IMMP2L: variants seen among roughly 807,000 people sequenced by gnomAD.
IMMP2L encodes inner mitochondrial membrane peptidase subunit 2.
In IMMP2L, 18 loss-of-function variants were observed where a neutral mutation model predicts 19.3. That is an observed-to-expected ratio of 0.93 (90% CI 0.64 to 1.38). The LOEUF (loss-of-function observed/expected upper bound fraction) is 1.38, where lower values mean the gene tolerates loss of function less well. IMMP2L is among the 40% of genes most tolerant of loss of function. The pLI is 0.00. For synonymous variants in IMMP2L, 76 were observed against 73.0 expected, an observed-to-expected ratio of 1.04 and a Z score of -0.21; for missense variants, 233 against 218.2, an observed-to-expected ratio of 1.07 and a Z score of -0.43.
intron 4 of IMMP2L, among the ~76,000 whole-genome samples, chr7:110,949,558 T>C (rs769012970): frequency 2.0e-5 from 3 of 152,168 alleles, no homozygotes; most frequent in Non-Finnish European, 4.4e-5. Flanking sequence ...TAGTCCAACA[T>C]CTGTTTTTGT....
intron 3 of IMMP2L, among the ~76,000 whole-genome samples, chr7:111,009,098 T>C (rs1331677658): frequency 6.6e-6 from 1 of 152,214 alleles, no homozygotes; most frequent in East Asian, 1.9e-4. Context: ...ACAATCAGTA[T>C]GTATTTATTG....
At chr7:111,078,245 G>T (rs1795578285) in intron 3 of IMMP2L, among the ~76,000 whole-genome samples, 1 of 152,264 alleles carries the variant, frequency 6.6e-6, no homozygotes, top group South Asian at 2.1e-4. Context: ...AGGAATGAAT[G>T]AAAAAATAAA....
intron 4 of IMMP2L, among the ~76,000 whole-genome samples, chr7:110,891,717 T>C (rs139303091): frequency 1.9e-3 from 288 of 152,046 alleles, no homozygotes; most frequent in Middle Eastern, 6.8e-3. Context: ...AAGAACCAAA[T>C]AGAAATTCTA....
In IMMP2L at chr7:111,172,544, G is replaced by A. The variant is rs1806566607; in HGVS notation, c.240-208979C>T. Among the ~76,000 whole-genome samples, 3 of 151,470 alleles carry A rather than the reference G, an allele frequency of 2.0e-5. No homozygotes were observed. The South Asian group carries it at 6.2e-4, about 31-fold the overall frequency. On this transcript the variant is annotated intron_variant, in intron 3 of 5. Transcript: ENST00000405709. ...GCTATTTTAAAATATATAATACATT[G>A]CTGCTAATTATAGTCACCCTATCGT...
In IMMP2L at chr7:110,924,230, T is replaced by C. The variant is rs1814602691; in HGVS notation, c.306-37535A>G. ...CATAGACAGCACTGTTTCTCCCCAG[T>C]GTGTCTTTAATTTCCTTTATTACAG... On this transcript the variant is annotated intron_variant, in intron 4 of 5. Coordinates refer to ENST00000405709, the MANE Select transcript of IMMP2L (RefSeq NM_032549.4). This position sits in a 1 kb window ranked among gnomAD's most constrained non-coding sequence, Gnocchi z 4.2. Among the ~76,000 whole-genome samples, 3 of 152,168 alleles carry C rather than the reference T, an allele frequency of 2.0e-5. No individual in the cohort carries two copies. Among genetic ancestry groups the C allele is most frequent in the Admixed American group, 2.0e-4 (3 of 15,268 alleles).
chr7:110,748,597 C>A (rs951762628), intron 5 of IMMP2L, among the ~76,000 whole-genome samples: 1 of 152,072 alleles, frequency 6.6e-6, no homozygotes, highest in Non-Finnish European at 1.5e-5. Context: ...TAATGCCACA[C>A]ATACACAATC....
At chr7:111,468,261 A>C (rs1264361570) in intron 3 of IMMP2L, among the ~76,000 whole-genome samples, 1 of 152,114 alleles carries the variant, frequency 6.6e-6, no homozygotes, top group Non-Finnish European at 1.5e-5. Context: ...TACATCCCTC[A>C]TTGTTACCTG....
intron 3 of IMMP2L, among the ~76,000 whole-genome samples, chr7:111,139,117 C>CA (rs1027893784): frequency 1.2e-3 from 175 of 150,804 alleles, no homozygotes; most frequent in Non-Finnish European, 2.1e-3. Flanking sequence ...AGTATTTCAC[C>CA]AAAAAAAAGG....
chr7:110,908,597 GTC>G (rs1271033171), intron 4 of IMMP2L, among the ~76,000 whole-genome samples: 5 of 152,158 alleles, frequency 3.3e-5, no homozygotes, highest in Non-Finnish European at 5.9e-5. Context: ...TTAAAGAACT[GTC>G]TCTACTGTAC....
At chr7:110,839,432 T>C (rs1052440979) in intron 5 of IMMP2L, among the ~76,000 whole-genome samples, 2 of 152,124 alleles carry the variant, frequency 1.3e-5, no homozygotes, top group Non-Finnish European at 2.9e-5. Flanking sequence ...TAGGTATAGA[T>C]ATATCAGAAA....
At chr7:110,939,174 C>T (rs1159084232) in intron 4 of IMMP2L, among the ~76,000 whole-genome samples, 1 of 152,084 alleles carries the variant, frequency 6.6e-6, no homozygotes, top group African/African-American at 2.4e-5. Context: ...CCTAGGGCAT[C>T]ACCCCTGGGA....
chr7:110,825,635 T>C (rs1430581095), intron 5 of IMMP2L, among the ~76,000 whole-genome samples: 1 of 152,188 alleles, frequency 6.6e-6, no homozygotes, highest in Non-Finnish European at 1.5e-5. Context: ...GCTAGTCATA[T>C]GTAGAAAGCT....
intron 3 of IMMP2L, among the ~76,000 whole-genome samples, chr7:111,311,795 T>C (rs375786661): frequency 1.6e-4 from 24 of 152,272 alleles, no homozygotes; most frequent in African/African-American, 5.8e-4. Flanking sequence ...AAAAGTTTGG[T>C]GTCACAATAG....
chr7:111,451,713 T>TAAA (rs779828841), intron 3 of IMMP2L, among the ~76,000 whole-genome samples: 13 of 116,780 alleles, frequency 1.1e-4, no homozygotes, highest in African/African-American at 3.8e-4. Flanking sequence ...AAAGTATAAT[T>TAAA]AAAAAAAAAA....
In IMMP2L at chr7:110,865,299, AT is replaced by A. The variant is rs10710550; in HGVS notation, c.408+21293del. Among the ~76,000 whole-genome samples the A allele has an allele frequency of 5.0e-3, 760 of 152,122 alleles. 10 individuals carry two copies. The highest frequency in any genetic ancestry group is 0.018 in the African/African-American group (735 of 41,536). On this transcript the variant is annotated intron_variant, in intron 5 of 5. Coordinates refer to ENST00000405709, the MANE Select transcript of IMMP2L (RefSeq NM_032549.4). Reference sequence around the variant, plus strand: ...AATTTTAAACATCCTCTAAAAGTAAATAAAATTAAGACGGACTTTTCTGAAT... The same window carrying A: ...AATTTTAAACATCCTCTAAAAGTAAAAAAATTAAGACGGACTTTTCTGAAT...
At chr7:111,468,040 T>G (rs1057254580) in intron 3 of IMMP2L, among the ~76,000 whole-genome samples, 2 of 152,106 alleles carry the variant, frequency 1.3e-5, no homozygotes, top group African/African-American at 4.8e-5. Flanking sequence ...AACAACCAAT[T>G]GTAAAAATAT....
At chr7:111,060,034 C>T (rs888859512) in intron 3 of IMMP2L, among the ~76,000 whole-genome samples, 26 of 152,100 alleles carry the variant, frequency 1.7e-4, no homozygotes, top group Non-Finnish European at 2.6e-4. Flanking sequence ...GCCAGCATTT[C>T]TTTCAGTGTC....
intron 3 of IMMP2L, among the ~76,000 whole-genome samples, chr7:111,151,018 T>A (rs889790560): frequency 1.3e-5 from 2 of 152,166 alleles, no homozygotes; most frequent in African/African-American, 2.4e-5. Context: ...GGTCAGAATG[T>A]TCTAGAGAAT....
intron 3 of IMMP2L, among the ~76,000 whole-genome samples, chr7:111,047,640 T>A (rs918027828): frequency 6.6e-6 from 1 of 152,190 alleles, no homozygotes; most frequent in African/African-American, 2.4e-5. Context: ...CATCTAACTG[T>A]ATGCTAATAT....
Sources: gnomAD v4.1 joint callset for allele counts (sites outside exome capture counted in the v4.1 genomes callset) on GRCh38, gnomAD v4.1.1 for gene constraint, Gnocchi (gnomAD v3.1) non-coding constraint, MANE v1.5 for transcripts, NCBI Gene and HGNC (gene_info 2026-07-23, HGNC 2026-07-21) for gene names.